The following PARD3 variants were observed in gnomAD, a reference collection of about 807,000 sequenced individuals.
The protein encoded by PARD3 is par-3 family cell polarity regulator.
PARD3 carries 75 observed loss-of-function variants against 155.4 expected under a neutral mutation model. The ratio of observed to expected loss-of-function variants is 0.48; its 90% confidence interval spans 0.40 to 0.58. The LOEUF is 0.58. Ranked by LOEUF, PARD3 falls within the 20% of genes least tolerant of loss-of-function variation. The pLI, the probability that PARD3 is intolerant of heterozygous loss-of-function variation, is 0.00. For missense variants in PARD3, 1,642 were observed against 1,721.7 expected (o/e 0.95, Z 0.82); for synonymous variants, 576 against 610.5 (o/e 0.94, Z 0.83).
chr10:34,465,016 A>G (rs1481772871), intron 4 of PARD3, among the ~76,000 whole-genome samples: 1 of 152,202 alleles, frequency 6.6e-6, no homozygotes, highest in African/African-American at 2.4e-5. Context: ...TAACCCATGC[A>G]CATCCTCCCA....
At chr10:34,424,252 T>G (rs577714744) in intron 5 of PARD3, among the ~76,000 whole-genome samples, 1 of 152,190 alleles carries the variant, frequency 6.6e-6, no homozygotes, top group African/African-American at 2.4e-5. Context: ...CAAACAAACA[T>G]AAAGAGTTTC....
intron 3 of PARD3, among the ~76,000 whole-genome samples, chr10:34,473,411 G>A (rs918476241): frequency 2.0e-5 from 3 of 152,118 alleles, no homozygotes; most frequent in Admixed American, 6.6e-5. Context: ...ACGAGGCCAG[G>A]TGCAATGGCT....
intron 22 of PARD3, among the ~76,000 whole-genome samples, chr10:34,220,594 T>A (rs1952228464): frequency 6.6e-6 from 1 of 152,118 alleles, no homozygotes; most frequent in African/African-American, 2.4e-5. Context: ...GAAACCACAA[T>A]ACAGGCACCC....
intron 16 of PARD3, 128 bp from the exon 17 acceptor site, chr10:34,337,554 A>G (rs1371504721): frequency 1.6e-5 from 7 of 435,440 alleles, no homozygotes; most frequent in Admixed American, 4.4e-5. Flanking sequence ...ATTCAACTAA[A>G]TAATACAAAT....
At chr10:34,634,120 A>G (rs775896014) in intron 2 of PARD3, among the ~76,000 whole-genome samples, 3 of 152,220 alleles carry the variant, frequency 2.0e-5, no homozygotes, top group Non-Finnish European at 4.4e-5. Context: ...TCCTTCCTAA[A>G]GGAAGCAGAA....
intron 5 of PARD3, among the ~76,000 whole-genome samples, chr10:34,434,715 G>A (rs2076104804): frequency 6.6e-6 from 1 of 152,152 alleles, no homozygotes; most frequent in South Asian, 2.1e-4. Flanking sequence ...GCAGAGGGAT[G>A]AATGAATTTA....
chr10:34,385,157 G>A (rs1165467623), intron 7 of PARD3, among the ~76,000 whole-genome samples: 2 of 152,006 alleles, frequency 1.3e-5, no homozygotes, highest in Admixed American at 1.3e-4. Flanking sequence ...TTTTGAGATG[G>A]AGTTTCGTTC....
intron 7 of PARD3, among the ~76,000 whole-genome samples, chr10:34,389,729 C>A (rs7072267): frequency 0.041 from 6,187 of 151,714 alleles, 406 homozygotes; most frequent in African/African-American, 0.14. Flanking sequence ...CCATGGGGGG[C>A]CAGCAACTAC....
intron 24 of PARD3, among the ~76,000 whole-genome samples, chr10:34,117,398 T>A (rs1276033447): frequency 6.6e-6 from 1 of 151,996 alleles, no homozygotes; most frequent in Admixed American, 6.6e-5. Flanking sequence ...CACTGTCAGC[T>A]CACCCTTCCG....
chr10:34,139,624 A>G (rs775377423), intron 22 of PARD3, among the ~76,000 whole-genome samples: 1 of 152,186 alleles, frequency 6.6e-6, no homozygotes, highest in Admixed American at 6.5e-5. Context: ...ACTCCGGGAG[A>G]AACAGATGTA....
intron 19 of PARD3, among the ~76,000 whole-genome samples, chr10:34,319,031 G>A (rs1005280629): frequency 3.3e-5 from 5 of 149,366 alleles, no homozygotes; most frequent in Admixed American, 6.7e-5. Flanking sequence ...TCCCCGCCTC[G>A]GCCTCCCAAA....
At chr10:34,426,401 T>A (rs1255368803) in intron 5 of PARD3, among the ~76,000 whole-genome samples, 3 of 152,102 alleles carry the variant, frequency 2.0e-5, no homozygotes, top group Non-Finnish European at 4.4e-5. Context: ...TTTTTGCATG[T>A]GCTTGGTGGC....
At chr10:34,406,623 G>A (rs1844505818) in intron 5 of PARD3, among the ~76,000 whole-genome samples, 1 of 152,016 alleles carries the variant, frequency 6.6e-6, no homozygotes, top group Admixed American at 6.6e-5. Flanking sequence ...AGACTCCTAG[G>A]CTCAAACAAT....
intron 5 of PARD3, among the ~76,000 whole-genome samples, chr10:34,415,198 G>A (rs938683347): frequency 2.6e-5 from 4 of 152,116 alleles, no homozygotes; most frequent in Non-Finnish European, 5.9e-5. Flanking sequence ...GTCAGGAGGT[G>A]GGGAAGCCGT....
chr10:34,429,319 A>G (rs1263932466), intron 5 of PARD3, among the ~76,000 whole-genome samples: 2 of 152,162 alleles, frequency 1.3e-5, no homozygotes, highest in Non-Finnish European at 2.9e-5. Context: ...ACTTCTGTCT[A>G]GACACCTCTT....
At chr10:34,306,036 G>A (rs983010630) in intron 20 of PARD3, among the ~76,000 whole-genome samples, 12 of 152,156 alleles carry the variant, frequency 7.9e-5, no homozygotes, top group Admixed American at 5.9e-4. Context: ...GCTCACGCCT[G>A]TAATCCCAGC....
rs569120764 is a variant in PARD3 at position 34,750,009 on chromosome 10, G to A, written c.121-53590C>T. Among the ~76,000 whole-genome samples, 210 of 149,506 alleles carry A rather than the reference G, an allele frequency of 1.4e-3. 3 individuals are homozygous for A. Among genetic ancestry groups the A allele is most frequent in the Non-Finnish European group, 5.3e-4 (36 of 67,718 alleles). ...TGCACTCCAGCCTAGGCGACAGAAC[G>A]AGACCCCCTCTCAAAAAAAGTACAC... On this transcript the variant is annotated intron_variant, in intron 1 of 24. Coordinates refer to ENST00000374788, the MANE Select transcript of PARD3 (RefSeq NM_001184785.2).
intron 5 of PARD3, among the ~76,000 whole-genome samples, chr10:34,443,157 T>C (rs1465186435): frequency 2.6e-5 from 4 of 152,116 alleles, no homozygotes. Flanking sequence ...TAGGCAAAAC[T>C]TGCGTCCACA....
intron 22 of PARD3, among the ~76,000 whole-genome samples, chr10:34,147,119 T>C (rs1948549528): frequency 6.6e-6 from 1 of 152,154 alleles, no homozygotes; most frequent in African/African-American, 2.4e-5. Flanking sequence ...TTTTGAGATT[T>C]TCATGACTCA....
Sources: gnomAD v4.1 joint callset for allele counts (sites outside exome capture counted in the v4.1 genomes callset) on GRCh38, gnomAD v4.1.1 for gene constraint, MANE v1.5 for transcripts, NCBI Gene and HGNC (gene_info 2026-07-23, HGNC 2026-07-21) for gene names.